Variants in PLEKHG6 observed in about 807,000 individuals in gnomAD.
PLEKHG6 encodes pleckstrin homology domain-containing family G member 6.
Under a neutral mutation model 97.5 loss-of-function variants are expected in PLEKHG6, and 91 were observed. That is an observed-to-expected ratio of 0.93 (90% CI 0.79 to 1.11). The LOEUF (loss-of-function observed/expected upper bound fraction) is 1.11. PLEKHG6 is among the 50% of genes most tolerant of loss of function. The pLI, the probability that PLEKHG6 is intolerant of heterozygous loss-of-function variation, is 0.00. For missense variants in PLEKHG6, 1,044 were observed against 1,031.0 expected (o/e 1.01, Z -0.17); for synonymous variants, 466 against 425.5 (o/e 1.10, Z -1.17).
In PLEKHG6 at chr12:6,313,205, A is replaced by G. The variant is rs371331748; in HGVS notation, c.139-424A>G. 3.9e-5 allele frequency: 61 copies of G among 1,546,378 alleles called. No homozygotes were observed. In the African/African-American group the frequency reaches 7.3e-4, roughly 18 times the overall value. On this transcript the variant is annotated intron_variant, in intron 2 of 15. Transcript: ENST00000684764. ...TGCACATGTGAGTGCCCTCGTCCCC[A>G]TGTGTGAGGGAGGCTGGTCATAGAC...
intron 7 of PLEKHG6, 46 bp from the exon 8 acceptor site, chr12:6,317,257 C>A: frequency 8.0e-7 from 1 of 1,244,666 alleles, no homozygotes; most frequent in Non-Finnish European, 1.2e-6. Flanking sequence ...GTATTCATGG[C>A]CTTCTCCCCA....
chr12:6,315,577 C>A lies in PLEKHG6; in HGVS notation c.483C>A (p.His161Gln). 1 of 1,582,738 alleles carries A rather than the reference C, an allele frequency of 6.3e-7. No homozygotes were observed. The highest frequency in any genetic ancestry group is 8.7e-7 in the Non-Finnish European group (1 of 1,155,910). ...AGGAGATGAGCCAGGAGCTCTGCCA[C>A]CAACAGGAGGCCCTGTGGGAGCTCC... ...GHKEMSQELC[H>Q]QQEALWELLT... Residue 161 changes from histidine (H) to glutamine (Q), a missense_variant, in exon 5 of 16, where the codon CAC becomes CAA. His to Gln is a conservative substitution (Grantham distance 24). Transcript: ENST00000684764. This position sits in a 1 kb window ranked among gnomAD's most constrained non-coding sequence, Gnocchi z 4.5.
Position 6,315,434 on chromosome 12 carries a change from A to G in PLEKHG6, c.460-120A>G. 1 of 717,616 alleles carries G rather than the reference A, an allele frequency of 1.4e-6. No homozygotes were observed. Among genetic ancestry groups the G allele is most frequent in the Non-Finnish European group, 2.4e-6 (1 of 422,908 alleles). 44.5% of individuals were successfully genotyped at this position (717,616 alleles called of 1,614,324 possible). ...TCAGAGCACTGGTTTGAGGATTAAA[A>G]GGTCATGGTCATGCACAAAGTGCCT... On this transcript the variant is annotated intron_variant, in intron 4 of 15. Transcript: ENST00000684764. The surrounding 1 kb of genome is among the most constrained non-coding windows in gnomAD (Gnocchi z 4.5).
rs752490831 is a variant in PLEKHG6, at chr12:6,312,375, G to A, written c.138+11G>A. 8 of 1,572,838 alleles carry A rather than the reference G, an allele frequency of 5.1e-6. No homozygotes were observed. The highest frequency in any genetic ancestry group is 1.4e-5 in the African/African-American group (1 of 71,902). On this transcript the variant is annotated intron_variant, in intron 2 of 15. Coordinates refer to ENST00000684764, the MANE Select transcript of PLEKHG6 (RefSeq NM_001384598.1). ...GGATACCCTGTGCTGGTGAGTCCAGGCTGTGCCCCAAAAGTGACCTGGTGG... is the reference window on the plus strand; with the variant it reads ...GGATACCCTGTGCTGGTGAGTCCAGACTGTGCCCCAAAAGTGACCTGGTGG...
In PLEKHG6 at chr12:6,317,604, C is replaced by T. The variant is rs748970044; in HGVS notation, c.925C>T (p.Pro309Ser). 1.2e-6 allele frequency: 2 copies of T among 1,613,830 alleles called. No individual in the cohort carries two copies. Among genetic ancestry groups the T allele is most frequent in the South Asian group, 1.1e-5 (1 of 91,092 alleles). The change falls in exon 9 of 16, where the codon CCC (proline) becomes TCC (serine). Residue 309 changes from proline (P) to serine (S), a missense_variant. Physicochemically the swap from Pro to Ser is moderately conservative, Grantham distance 74. Coordinates refer to ENST00000684764, the MANE Select transcript of PLEKHG6 (RefSeq NM_001384598.1). Reference protein sequence around the residue: ...RQMLCDLLIKPHQRITKYPLL... With the variant: ...RQMLCDLLIKSHQRITKYPLL... ...GATGCTCTGTGACTTGCTTATCAAG[C>T]CCCACCAGCGCATCACCAAGTACCC...
intron 13 of PLEKHG6, among the ~76,000 whole-genome samples, chr12:6,324,947 A>G (rs560225515): frequency 3.7e-4 from 57 of 152,332 alleles, no homozygotes; most frequent in Middle Eastern, 6.8e-3. Context: ...CTGCTGTGCC[A>G]GAGGTTATCT....
In PLEKHG6 at chr12:6,315,306, G is replaced by C; in HGVS notation, c.459+137G>C. ...CTGGAAACGCGTTGATCTGGGTTCA[G>C]ATCCCAGCTCTGCCACTTACTAGTC... On this transcript the variant is annotated intron_variant, in intron 4 of 15. Coordinates refer to ENST00000684764, the MANE Select transcript of PLEKHG6 (RefSeq NM_001384598.1). The surrounding 1 kb of genome is among the most constrained non-coding windows in gnomAD (Gnocchi z 4.5). The C allele has an allele frequency of 1.1e-6, 1 of 950,948 alleles. No individual in the cohort carries two copies. Among genetic ancestry groups the C allele is most frequent in the Non-Finnish European group, 1.5e-6 (1 of 646,352 alleles). The allele number at this position is 950,948 out of a possible 1,614,324, so 58.9% of individuals were successfully genotyped here. A position where few individuals can be genotyped will look rare whatever the true frequency, so the allele number is the denominator to read the frequency against.
intron 7 of PLEKHG6, 147 bp from the exon 8 acceptor site, chr12:6,317,156 A>G: frequency 1.6e-6 from 1 of 616,132 alleles, no homozygotes; most frequent in Non-Finnish European, 2.9e-6. Flanking sequence ...CATTCCTGGG[A>G]GGATCCTGGG....
rs376953679 is a variant in PLEKHG6 at position 6,314,464 on chromosome 12, G to A, written c.295-541G>A. Among the ~76,000 whole-genome samples, 89 of 152,046 alleles carry A rather than the reference G, an allele frequency of 5.9e-4. 1 individual carries two copies. The highest frequency in any genetic ancestry group is 3.4e-3 in the Middle Eastern group (1 of 294). On this transcript the variant is annotated intron_variant, in intron 3 of 15. Transcript: ENST00000684764. ...GGAGGTTGCAGTGAGCCGAGATTGC[G>A]CCACTGCACTCCAGCCTGGGTGACA...
At chr12:6,318,083 C>G (rs1947552655) in intron 10 of PLEKHG6, 89 bp downstream of exon 10, 20 of 1,443,944 alleles carry the variant, frequency 1.4e-5, no homozygotes, top group Non-Finnish European at 1.9e-5. Context: ...ACACCCCGTA[C>G]TTGGGTGCTA....
At chr12:6,322,613 T>C (rs1424249835) in intron 13 of PLEKHG6, among the ~76,000 whole-genome samples, 3 of 152,190 alleles carry the variant, frequency 2.0e-5, no homozygotes, top group Non-Finnish European at 4.4e-5. Context: ...GCGTAGTGGC[T>C]CACCTCCTCT....
At chr12:6,326,616 G>A (rs1362190349) in intron 14 of PLEKHG6, 43 bp downstream of exon 14, 3 of 1,421,088 alleles carry the variant, frequency 2.1e-6, no homozygotes, top group African/African-American at 3.0e-5. Context: ...AGCAGGAGGA[G>A]GGAGCCATAA....
chr12:6,322,837 C>T (rs1434880092), intron 13 of PLEKHG6, among the ~76,000 whole-genome samples: 1 of 152,068 alleles, frequency 6.6e-6, no homozygotes, highest in Non-Finnish European at 1.5e-5. Flanking sequence ...GCTATGTTCC[C>T]ACCACTGCAC....
At chr12:6,319,522 G>A in intron 13 of PLEKHG6, 1 of 1,506,908 alleles carries the variant, frequency 6.6e-7, no homozygotes, top group Non-Finnish European at 8.8e-7. Flanking sequence ...GAGGAGGAGA[G>A]AGGCTGGGGT....
intron 2 of PLEKHG6, chr12:6,312,708 G>A: frequency 2.6e-6 from 3 of 1,168,956 alleles, no homozygotes; most frequent in Non-Finnish European, 3.2e-6. Flanking sequence ...AGGAGTTTGA[G>A]GCCTTCCTGA....
Position 6,317,836 on chromosome 12 carries a change from C to T in PLEKHG6, c.1018-21C>T, listed in dbSNP as rs760720992. 9.7e-6 allele frequency: 15 copies of T among 1,542,630 alleles called. No individual in the cohort carries two copies. In the South Asian group the frequency reaches 1.4e-4, roughly 15 times the overall value. On this transcript the variant is annotated intron_variant, in intron 9 of 15. Coordinates refer to ENST00000684764, the MANE Select transcript of PLEKHG6 (RefSeq NM_001384598.1). Reference sequence around the variant, plus strand: ...GGGACGGCTGAGCCGTCCCTCCTCCCACACCCCCAACCCCACCTAGATTGA... The same window carrying T: ...GGGACGGCTGAGCCGTCCCTCCTCCTACACCCCCAACCCCACCTAGATTGA...
chr12:6,315,842 CT>C lies in PLEKHG6; in HGVS notation c.556-26del. 1 of 1,548,172 alleles carries C rather than the reference CT, an allele frequency of 6.5e-7. No homozygotes were observed. The highest frequency in any genetic ancestry group is 8.7e-7 in the Non-Finnish European group (1 of 1,144,596). ...CGACACTGAAGGGCTGCGCTGGGTCCTGAGACCCTCGTCTCCCTCCCTGCAG... is the reference window on the plus strand; with the variant it reads ...CGACACTGAAGGGCTGCGCTGGGTCCGAGACCCTCGTCTCCCTCCCTGCAG... On this transcript the variant is annotated intron_variant, in intron 5 of 15. Coordinates refer to ENST00000684764, the MANE Select transcript of PLEKHG6 (RefSeq NM_001384598.1). This position sits in a 1 kb window ranked among gnomAD's most constrained non-coding sequence, Gnocchi z 4.5.
At chr12:6,325,204 C>T (rs1428712323) in intron 13 of PLEKHG6, among the ~76,000 whole-genome samples, 1 of 151,876 alleles carries the variant, frequency 6.6e-6, no homozygotes, top group South Asian at 2.1e-4. Flanking sequence ...AGCCAACAAC[C>T]GACCTTCTGT....
chr12:6,328,020 A>G (rs1437233348), intron 15 of PLEKHG6, 74 bp downstream of exon 15: 1 of 1,569,578 alleles, frequency 6.4e-7, no homozygotes. Flanking sequence ...TGTAGTATAG[A>G]AAGAGGGCAA....
Sources: gnomAD v4.1 joint callset for allele counts (sites outside exome capture counted in the v4.1 genomes callset) on GRCh38, gnomAD v4.1.1 for gene constraint, Gnocchi (gnomAD v3.1) non-coding constraint, MANE v1.5 for transcripts, NCBI Gene and HGNC (gene_info 2026-07-23, HGNC 2026-07-21) for gene names.